FHIP1B: variants seen among roughly 807,000 people sequenced by gnomAD.
The protein encoded by FHIP1B is FHF complex subunit HOOK interacting protein 1B, also known as FHF complex subunit HOOK-interacting protein 1B.
In FHIP1B, 28 loss-of-function variants were observed where a neutral mutation model predicts 82.2. That is an observed-to-expected ratio of 0.34 (90% confidence interval 0.25 to 0.47). The LOEUF is 0.47. Ranked by LOEUF, FHIP1B falls within the 20% of genes least tolerant of loss-of-function variation. The probability of loss-of-function intolerance (pLI) is 1.00; values close to 1 mark genes in which losing one functional copy is unlikely to be tolerated. For missense variants in FHIP1B, 1,110 were observed against 1,262.6 expected (o/e 0.88, Z 1.83); for synonymous variants, 585 against 516.1 (o/e 1.13, Z -1.81).
In FHIP1B at chr11:6,212,432, T is replaced by C. The variant is rs17817137; in HGVS notation, c.2558-565A>G. On this transcript the variant is annotated intron_variant, in intron 11 of 11. Coordinates refer to ENST00000449352, the MANE Select transcript of FHIP1B (RefSeq NM_001098794.2). ...TCCACAGGGGCTATATATGCAATTA[T>C]AGTTCAGTGACAATTTCACTTCTGT... is the stretch of plus-strand genomic sequence containing the variant. 5.2e-4 allele frequency among the ~76,000 whole-genome samples: 79 copies of C among 152,350 alleles called. 2 individuals are homozygous for C. In the South Asian group the frequency reaches 0.01, roughly 20 times the overall value.
In FHIP1B at chr11:6,218,953, C is replaced by T. The variant is rs2133807197; in HGVS notation, c.1271+18G>A. ...GGCTTCAGGGTCAGCCATCCCTCAG[C>T]CCTGCCCCAACAGATACCTGAGAAC... On this transcript the variant is annotated intron_variant, in intron 7 of 11. Transcript: ENST00000449352. The T allele has an allele frequency of 6.2e-7, 1 of 1,613,440 alleles. No homozygotes were observed. The highest frequency in any genetic ancestry group is 8.5e-7 in the Non-Finnish European group (1 of 1,179,432).
intron 1 of FHIP1B, among the ~76,000 whole-genome samples, chr11:6,233,372 G>T (rs1847751003): frequency 6.6e-6 from 1 of 152,192 alleles, no homozygotes. Flanking sequence ...CATTATCACT[G>T]AATGCCAAAC....
At chr11:6,230,662 T>C (rs1210857098) in intron 1 of FHIP1B, among the ~76,000 whole-genome samples, 1 of 152,178 alleles carries the variant, frequency 6.6e-6, no homozygotes, top group Non-Finnish European at 1.5e-5. Flanking sequence ...AAAGTGAACC[T>C]CTATTCTACA....
intron 9 of FHIP1B, among the ~76,000 whole-genome samples, chr11:6,215,510 T>C (rs1170336132): frequency 1.3e-5 from 2 of 152,284 alleles, no homozygotes; most frequent in East Asian, 1.9e-4. Context: ...AGCTAGAAGA[T>C]GGTGTTGCAA....
intron 11 of FHIP1B, 82 bp from the exon 12 acceptor site, chr11:6,211,949 T>C: frequency 6.8e-7 from 1 of 1,478,102 alleles, no homozygotes; most frequent in Non-Finnish European, 8.9e-7. Context: ...CCCCACCCCC[T>C]AGGTTCTTGG....
chr11:6,214,582 C>T lies in FHIP1B; in HGVS notation c.2395-9G>A. 20 of 1,606,942 alleles carry T rather than the reference C, an allele frequency of 1.2e-5. No individual in the cohort carries two copies. Among genetic ancestry groups the T allele is most frequent in the Non-Finnish European group, 1.7e-5 (20 of 1,175,630 alleles). On this transcript the variant is annotated splice_polypyrimidine_tract_variant and intron_variant, in intron 10 of 11. Coordinates refer to ENST00000449352, the MANE Select transcript of FHIP1B (RefSeq NM_001098794.2). ...TTCACAGAGCCCAGCACCTATGAAG[C>T]ACACCTTCGTGACATTTCTGAGCAG... is the stretch of plus-strand genomic sequence containing the variant.
In FHIP1B at chr11:6,211,349, G is replaced by T. The variant is rs1590598516; in HGVS notation, c.*157C>A. ...GAAAGAAAAATGAGCACAGAATAGA[G>T]ATTTCCCTTTTATACATATTGCAAC... On this transcript the variant is annotated 3_prime_UTR_variant, in exon 12 of 12. Transcript: ENST00000449352. 3.5e-6 allele frequency: 4 copies of T among 1,151,818 alleles called. No homozygotes were observed. The highest frequency in any genetic ancestry group is 3.6e-6 in the Non-Finnish European group (3 of 843,580). 71.3% of individuals were successfully genotyped at this position (1,151,818 alleles called of 1,614,324 possible). A position where few individuals can be genotyped will look rare whatever the true frequency, so the allele number is the denominator to read the frequency against.
intron 1 of FHIP1B, among the ~76,000 whole-genome samples, chr11:6,232,149 C>G (rs1847715193): frequency 6.6e-6 from 1 of 151,662 alleles, no homozygotes; most frequent in Non-Finnish European, 1.5e-5. Context: ...CTATATGATA[C>G]AAATCAAAAT....
rs776410782 is a variant in FHIP1B, at chr11:6,217,847, C to T, written c.1739G>A (p.Arg580Gln). Reference sequence around the variant, plus strand: ...AAAAGGACTGGGCTCAGGAGAGGGCCGCTCGCCATCATAGGGGGCAGACCA... The same window carrying T: ...AAAAGGACTGGGCTCAGGAGAGGGCTGCTCGCCATCATAGGGGGCAGACCA... ...RTWSAPYDGE[R>Q]PSPEPSPFGS... is the part of the protein sequence containing the mutation. The change falls in exon 9 of 12, where the codon CGG (arginine) becomes CAG (glutamine). Residue 580 changes from arginine (R) to glutamine (Q), a missense_variant. Physicochemically the swap from Arg to Gln is conservative, Grantham distance 43 (BLOSUM62 1). Transcript: ENST00000449352. 1.5e-5 allele frequency: 25 copies of T among 1,613,722 alleles called. No individual in the cohort carries two copies. The highest frequency in any genetic ancestry group is 1.2e-4 in the African/African-American group (9 of 74,914).
intron 6 of FHIP1B, among the ~76,000 whole-genome samples, chr11:6,221,516 G>A (rs1847406981): frequency 6.6e-6 from 1 of 151,956 alleles, no homozygotes; most frequent in Non-Finnish European, 1.5e-5. Flanking sequence ...TTCTTGCCAT[G>A]GTCTTCCAGG....
At chr11:6,231,012 A>G (rs1847682923) in intron 1 of FHIP1B, among the ~76,000 whole-genome samples, 1 of 152,252 alleles carries the variant, frequency 6.6e-6, no homozygotes, top group African/African-American at 2.4e-5. Context: ...AAAAGTTTTT[A>G]AGCCAAGGAG....
At chr11:6,215,061 T>C (rs1272390321) in intron 9 of FHIP1B, 150 bp from the exon 10 acceptor site, 5 of 691,480 alleles carry the variant, frequency 7.2e-6, no homozygotes, top group Admixed American at 3.8e-5. Context: ...TGGCCACCTA[T>C]TCTGGAGGAA....
chr11:6,223,342 A>T lies in FHIP1B; in HGVS notation c.778-104T>A. 7 of 1,237,786 alleles carry T rather than the reference A, an allele frequency of 5.7e-6. No homozygotes were observed. Among genetic ancestry groups the T allele is most frequent in the Non-Finnish European group, 6.7e-6 (6 of 890,586 alleles). 76.7% of individuals were successfully genotyped at this position (1,237,786 alleles called of 1,614,324 possible). A position where few individuals can be genotyped will look rare whatever the true frequency, so the allele number is the denominator to read the frequency against. ...AGAGTTTTGATGGGAATAGGGGTAT[A>T]AGCTATTACCAAAGCAAGCATTTGC... On this transcript the variant is annotated intron_variant, in intron 3 of 11. Transcript: ENST00000449352. This position sits in a 1 kb window ranked among gnomAD's most constrained non-coding sequence, Gnocchi z 4.8.
At chr11:6,216,426 T>C (rs77709001) in intron 9 of FHIP1B, 6,091 of 152,650 alleles carry the variant, frequency 0.04, 134 homozygotes, top group Non-Finnish European at 0.046. Flanking sequence ...TGTGCCATAA[T>C]TGTAGTAAAT....
At chr11:6,232,163 T>C (rs565940810) in intron 1 of FHIP1B, among the ~76,000 whole-genome samples, 10 of 152,206 alleles carry the variant, frequency 6.6e-5, no homozygotes, top group Non-Finnish European at 1.5e-4. Flanking sequence ...TCAAAATCCA[T>C]TATACTTAAT....
chr11:6,223,229 T>C lies in FHIP1B; in HGVS notation c.787A>G (p.Thr263Ala). 3.2e-6 allele frequency: 5 copies of C among 1,586,778 alleles called. No individual in the cohort carries two copies. The African/African-American group carries it at 5.5e-5, about 17-fold the overall frequency. ...DHSYFCPVLA[T>A]GLSALYSSLP... is the part of the protein sequence containing the mutation. ...GATGAGTACAGGGCACTGAGCCCTG[T>C]GGCCAGCACCTATGAGAAGTTACCA... The change falls in exon 4 of 12, where the codon ACA becomes GCA. Residue 263 changes from threonine to alanine, a missense_variant. By Grantham distance (58) the Thr-to-Ala change is moderately conservative. Transcript: ENST00000449352. This position sits in a 1 kb window ranked among gnomAD's most constrained non-coding sequence, Gnocchi z 4.8.
chr11:6,217,142 C>A (rs990482471), intron 9 of FHIP1B: 1 of 703,914 alleles, frequency 1.4e-6, no homozygotes, highest in Non-Finnish European at 2.6e-6. Context: ...ACATACAAGG[C>A]TCAGATGTAA....
intron 6 of FHIP1B, among the ~76,000 whole-genome samples, chr11:6,220,029 G>C (rs957214428): frequency 2.0e-5 from 3 of 152,174 alleles, no homozygotes; most frequent in Non-Finnish European, 2.9e-5. Context: ...TAAGTGGGTA[G>C]AAAAGTGGTC....
rs79511779 is a variant in FHIP1B at position 6,211,462 on chromosome 11, C to T, written c.*44G>A. On this transcript the variant is annotated 3_prime_UTR_variant, in exon 12 of 12. Transcript: ENST00000449352. ...CATAAAAAGGAGCCTGTGCCCTAGC[C>T]CCAGCCCGGGCCACCCATGGCCCTG... The T allele has an allele frequency of 1.8e-5, 28 of 1,526,396 alleles. No homozygotes were observed. In the East Asian group the frequency reaches 5.7e-4, roughly 31 times the overall value. 94.6% of individuals were successfully genotyped at this position (1,526,396 alleles called of 1,614,324 possible). A position where few individuals can be genotyped will look rare whatever the true frequency, so the allele number is the denominator to read the frequency against.
Sources: allele counts gnomAD v4.1 joint callset (sites outside exome capture counted in the v4.1 genomes callset), GRCh38; gene constraint gnomAD v4.1.1; non-coding constraint Gnocchi (gnomAD v3.1); transcripts MANE v1.5; gene names NCBI Gene and HGNC (gene_info 2026-07-23, HGNC 2026-07-21).